IZUMO1: variants seen among roughly 807,000 people sequenced by gnomAD.
The protein encoded by IZUMO1 is izumo sperm-oocyte fusion 1.
In IZUMO1, 44 loss-of-function variants were observed where a neutral mutation model predicts 40.7. The ratio of observed to expected loss-of-function variants is 1.08; its 90% confidence interval spans 0.85 to 1.39. The LOEUF (loss-of-function observed/expected upper bound fraction) is 1.39, where lower values mean the gene tolerates loss of function less well. Among genes scored for constraint, IZUMO1 ranks in the 40% most tolerant of loss-of-function variants. IZUMO1 has a pLI of 0.00. For synonymous variants in IZUMO1, 149 were observed against 170.9 expected (o/e 0.87, Z 1.00); for missense variants, 368 against 436.9 (o/e 0.84, Z 1.41).
At chr19:48,746,222 C>CA (rs2033880146) in intron 1 of IZUMO1, 1 of 1,074,422 alleles carries the variant, frequency 9.3e-7, no homozygotes, top group African/African-American at 1.7e-5. Flanking sequence ...CGCCCCTTCC[C>CA]AAAATCCCAA....
In IZUMO1 at chr19:48,741,907, C is replaced by T; in HGVS notation, c.636G>A (p.Lys212=). The change falls in exon 8 of 10, where the codon AAG becomes AAA. Residue 212 remains lysine, a synonymous_variant. Transcript: ENST00000332955. This position sits in a 1 kb window ranked among gnomAD's most constrained non-coding sequence, Gnocchi z 4.4. ...WGNNTETLVS[K]GKEATLTKPM... ...GCTTGGTCAGGGTGGCCTCTTTCCC[C>T]TTGGACACCAAGGTCTCCGTATTGT... is the stretch of plus-strand genomic sequence containing the variant. 1 of 1,611,342 alleles carries T rather than the reference C, an allele frequency of 6.2e-7. No homozygotes were observed.
Position 48,741,453 on chromosome 19 carries a change from T to C in IZUMO1, c.780A>G (p.Glu260=), listed in dbSNP as rs142844138. Residue 260 remains glutamate (E), a synonymous_variant, in exon 9 of 10, where the codon GAA becomes GAG. Coordinates refer to ENST00000332955, the MANE Select transcript of IZUMO1 (RefSeq NM_182575.3). The surrounding 1 kb of genome is among the most constrained non-coding windows in gnomAD (Gnocchi z 4.4). ...GGGTTACGATATTTGGAGAAGGTTT[T>C]TCCTCCTTGATCATTTTGGGCAACA... ...VTVLPKMIKE[E]KPSPNIVTPG... The C allele has an allele frequency of 6.9e-5, 111 of 1,611,772 alleles. 1 individual carries two copies. In the African/African-American group the frequency reaches 1.3e-3, roughly 19 times the overall value.
chr19:48,742,251 C>T lies in IZUMO1; in HGVS notation c.558G>A (p.Trp186Ter). 3 of 1,614,138 alleles carry T rather than the reference C, an allele frequency of 1.9e-6. No homozygotes were observed. Among genetic ancestry groups the T allele is most frequent in the South Asian group, 1.1e-5 (1 of 91,082 alleles). The stretch of plus-strand genomic sequence containing the variant: ...CAGTGAGGCCTTCCGAAGCCTGATG[C>T]CAGTTTAACTCACAGTCCAGGATCA... ...EDMILDCELN[W>*]HQASEGLTDY... The change falls in exon 7 of 10, where the codon TGG (tryptophan) becomes TGA (stop). Residue 186 changes from tryptophan to a stop codon, truncating the protein, a stop_gained. Transcript: ENST00000332955. LOFTEE classifies it high-confidence loss of function.
chr19:48,745,454 A>G, intron 2 of IZUMO1, 166 bp from the exon 3 acceptor site: 2 of 1,029,322 alleles, frequency 1.9e-6, no homozygotes, highest in Non-Finnish European at 1.4e-6. Flanking sequence ...TAAAATTGCC[A>G]GCCGAGGATA....
At position 48,745,751 on chromosome 19, in the gene IZUMO1, C is replaced by A. The variant is rs2033866851; in HGVS notation, c.109G>T (p.Glu37Ter). 2 of 1,614,108 alleles carry A rather than the reference C, an allele frequency of 1.2e-6. No individual in the cohort carries two copies. Among genetic ancestry groups the A allele is most frequent in the Non-Finnish European group, 1.7e-6 (2 of 1,180,052 alleles). ...AGGTGGCCAGGCAGGTAATCTTTCTCCAGGGACTTTAGCGCCAGCACGACA... is the reference window on the plus strand; with the variant it reads ...AGGTGGCCAGGCAGGTAATCTTTCTACAGGGACTTTAGCGCCAGCACGACA... ...PSVVLALKSL[E>*]KDYLPGHLDA... The change falls in exon 2 of 10, where the codon GAG becomes TAG. Residue 37 changes from glutamate to a stop codon, truncating the protein, a stop_gained. Transcript: ENST00000332955. LOFTEE classifies it high-confidence loss of function.
rs1222621103 is a variant in IZUMO1 at position 48,746,494 on chromosome 19, G to A, written c.-133C>T. ...AAGCGAGACTCCATGCGGTCCTCTA[G>A]ACCTAGGGGGCCCTTGTTCACCCTT... On this transcript the variant is annotated 5_prime_UTR_variant, in exon 1 of 10. Transcript: ENST00000332955. 1 of 986,462 alleles carries A rather than the reference G, an allele frequency of 1.0e-6. No individual in the cohort carries two copies. The highest frequency in any genetic ancestry group is 1.7e-5 in the African/African-American group (1 of 57,190). The allele number at this position is 986,462 out of a possible 1,614,324, so 61.1% of individuals were successfully genotyped here.
rs975942703 is a variant in IZUMO1, at chr19:48,746,691, G to A, written c.-330C>T. On this transcript the variant is annotated 5_prime_UTR_variant, in exon 1 of 10. Coordinates refer to ENST00000332955, the MANE Select transcript of IZUMO1 (RefSeq NM_182575.3). ...TGAGGAGCCCGGTCCAGGTTCTGAGGGCTTTTAAAGAGGAAGCCGGGGTCA... is the reference window on the plus strand; with the variant it reads ...TGAGGAGCCCGGTCCAGGTTCTGAGAGCTTTTAAAGAGGAAGCCGGGGTCA... 2.2e-5 allele frequency: 22 copies of A among 985,338 alleles called. No individual in the cohort carries two copies. Among genetic ancestry groups the A allele is most frequent in the South Asian group, 4.7e-5 (1 of 21,280 alleles). 61.0% of individuals were successfully genotyped at this position (985,338 alleles called of 1,614,324 possible).
chr19:48,746,760 T>A lies in IZUMO1; in HGVS notation c.-399A>T, dbSNP rs1310411311. 1.0e-6 allele frequency: 1 copy of A among 985,400 alleles called. No homozygotes were observed. Among genetic ancestry groups the A allele is most frequent in the Non-Finnish European group, 1.2e-6 (1 of 829,920 alleles). The allele number at this position is 985,400 out of a possible 1,614,324, so 61.0% of individuals were successfully genotyped here. ...TTCCCAGGGGTAAAATCAAGGATTG[T>A]GTTGGGGACGAGGGTAAGGTTGGTT... On this transcript the variant is annotated 5_prime_UTR_variant, in exon 1 of 10. Coordinates refer to ENST00000332955, the MANE Select transcript of IZUMO1 (RefSeq NM_182575.3).
At chr19:48,745,169 G>A in intron 3 of IZUMO1, 45 bp downstream of exon 3, 1 of 1,511,274 alleles carries the variant, frequency 6.6e-7, no homozygotes, top group East Asian at 2.3e-5. Flanking sequence ...ACTAACGCTG[G>A]CTTCTCTGAG....
rs868058727 is a variant in IZUMO1, at chr19:48,746,724, C to A, written c.-363G>T. ...AAGAGGAAGCCGGGGTCATGACCAC[C>A]TACGCTAATTTTCCCAGGGGTAAAA... is the stretch of plus-strand genomic sequence containing the variant. On this transcript the variant is annotated 5_prime_UTR_variant, in exon 1 of 10. It adds an upstream start codon to the 5' untranslated region. Transcript: ENST00000332955. 1.0e-6 allele frequency: 1 copy of A among 985,436 alleles called. No individual in the cohort carries two copies. The highest frequency in any genetic ancestry group is 5.2e-4 in the Middle Eastern group (1 of 1,914). The allele number at this position is 985,436 out of a possible 1,614,324, so 61.0% of individuals were successfully genotyped here. A position where few individuals can be genotyped will look rare whatever the true frequency, so the allele number is the denominator to read the frequency against.
At chr19:48,745,434 T>C (rs2033852964) in intron 2 of IZUMO1, 146 bp from the exon 3 acceptor site, 11 of 1,016,050 alleles carry the variant, frequency 1.1e-5, no homozygotes, top group African/African-American at 1.6e-5. Flanking sequence ...GGAGTTGTAG[T>C]TTTATTACAT....
intron 2 of IZUMO1, 75 bp downstream of exon 2, chr19:48,745,550 C>A: frequency 6.4e-7 from 1 of 1,561,354 alleles, no homozygotes. Flanking sequence ...ACCCTGCTGT[C>A]AGCCTCTTCC....
intron 5 of IZUMO1, 92 bp from the exon 6 acceptor site, chr19:48,743,617 T>A: frequency 1.1e-6 from 1 of 947,502 alleles, no homozygotes; most frequent in Non-Finnish European, 1.7e-6. Context: ...AGATCATCTA[T>A]GACATTCCTA....
At position 48,745,931 on chromosome 19, in the gene IZUMO1, C is replaced by A; in HGVS notation, c.-72G>T. ...TCACCCCAAACCGAGAGCAGGAGAA[C>A]GCTAAACGGAGAAAAGCCAAAATCC... On this transcript the variant is annotated splice_region_variant and 5_prime_UTR_variant, in exon 2 of 10. Coordinates refer to ENST00000332955, the MANE Select transcript of IZUMO1 (RefSeq NM_182575.3). 6.3e-7 allele frequency: 1 copy of A among 1,589,824 alleles called. No homozygotes were observed. The highest frequency in any genetic ancestry group is 1.1e-5 in the South Asian group (1 of 89,244).
chr19:48,744,333 G>T, intron 4 of IZUMO1, 120 bp downstream of exon 4: 1 of 1,201,550 alleles, frequency 8.3e-7, no homozygotes, highest in Non-Finnish European at 1.2e-6. Context: ...ACTTGGGTCT[G>T]AAGGAGGAGG....
chr19:48,741,554 T>C lies in IZUMO1; in HGVS notation c.755-76A>G. On this transcript the variant is annotated intron_variant, in intron 8 of 9. Transcript: ENST00000332955. This position sits in a 1 kb window ranked among gnomAD's most constrained non-coding sequence, Gnocchi z 4.4. ...CCTGGCAAAGACAAGCCCGTCCCAGTAGCCGGCCATCCCAGAGATAATCAC... is the reference window on the plus strand; with the variant it reads ...CCTGGCAAAGACAAGCCCGTCCCAGCAGCCGGCCATCCCAGAGATAATCAC... 2 of 1,467,970 alleles carry C rather than the reference T, an allele frequency of 1.4e-6. No homozygotes were observed. The highest frequency in any genetic ancestry group is 1.9e-6 in the Non-Finnish European group (2 of 1,072,976). The allele number at this position is 1,467,970 out of a possible 1,614,324, so 90.9% of individuals were successfully genotyped here.
At position 48,743,416 on chromosome 19, in the gene IZUMO1, A is replaced by G. The variant is rs778742045; in HGVS notation, c.499+29T>C. On this transcript the variant is annotated intron_variant, in intron 6 of 9. Coordinates refer to ENST00000332955, the MANE Select transcript of IZUMO1 (RefSeq NM_182575.3). ...CTCTCGCCCCACCCCACCTGCACCA[A>G]TTCCTCCTGCTGGGTCCAGTTCTCT... 1.2e-5 allele frequency: 20 copies of G among 1,612,844 alleles called. No individual in the cohort carries two copies. In the Middle Eastern group the frequency reaches 4.9e-4, roughly 40 times the overall value.
chr19:48,746,073 T>C (rs970743811), intron 1 of IZUMO1, 141 bp from the exon 2 acceptor site: 10 of 1,408,642 alleles, frequency 7.1e-6, no homozygotes, highest in Non-Finnish European at 9.2e-6. Context: ...GCCTCCGAAG[T>C]GTGAAACTGA....
chr19:48,744,162 A>G lies in IZUMO1; in HGVS notation c.418+13T>C. On this transcript the variant is annotated intron_variant, in intron 5 of 9. Transcript: ENST00000332955. ...GGGCAGGATGAGGGTTAACTTCTGT[A>G]ATCCAGACTCACCACATTTGTTGGG... 6.2e-7 allele frequency: 1 copy of G among 1,612,716 alleles called. No homozygotes were observed. Among genetic ancestry groups the G allele is most frequent in the Non-Finnish European group, 8.5e-7 (1 of 1,178,708 alleles).
Sources: gnomAD v4.1 joint callset for allele counts on GRCh38, gnomAD v4.1.1 for gene constraint, Gnocchi (gnomAD v3.1) non-coding constraint, MANE v1.5 for transcripts, NCBI Gene and HGNC (gene_info 2026-07-23, HGNC 2026-07-21) for gene names.